MAML2: variants seen among roughly 807,000 people sequenced by gnomAD.
The protein encoded by MAML2 is mastermind-like protein 2.
A neutral mutation model predicts 96.1 loss-of-function variants in MAML2; 22 were observed. The ratio of observed to expected loss-of-function variants is 0.23; its 90% CI spans 0.16 to 0.33. MAML2 has a LOEUF of 0.33. MAML2 is among the 10% of genes least tolerant of loss of function. The probability of loss-of-function intolerance (pLI) is 1.00; values close to 1 mark genes in which losing one functional copy is unlikely to be tolerated. For synonymous variants in MAML2, 561 were observed against 521.3 expected, an observed-to-expected ratio of 1.08 and a Z score of -1.04; for missense variants, 1,367 against 1,392.4, an observed-to-expected ratio of 0.98 and a Z score of 0.29.
Position 96,342,264 on chromosome 11 carries a change from A to C in MAML2, c.-369T>G, listed in dbSNP as rs1864008906. 1 of 435,348 alleles carries C rather than the reference A, an allele frequency of 2.3e-6. No homozygotes were observed. The allele number at this position is 435,348 out of a possible 1,614,324, so 27.0% of individuals were successfully genotyped here. A position where few individuals can be genotyped will look rare whatever the true frequency, so the allele number is the denominator to read the frequency against. On this transcript the variant is annotated 5_prime_UTR_variant, in exon 1 of 5. Transcript: ENST00000524717. ...AAACACACGATCTGGGGGTTAGATC[A>C]AGAATTCAGGGATTGTCCAGCAAGA...
rs376355064 is a variant in MAML2, at chr11:96,341,466, T to C, written c.430A>G (p.Asn144Asp). 7 of 1,551,334 alleles carry C rather than the reference T, an allele frequency of 4.5e-6. No individual in the cohort carries two copies. In the South Asian group the frequency reaches 4.8e-5, roughly 11 times the overall value. The change falls in exon 1 of 5, where the codon AAT becomes GAT. Residue 144 changes from asparagine to aspartate, a missense_variant. Coordinates refer to ENST00000524717, the MANE Select transcript of MAML2 (RefSeq NM_032427.4). ...CCGTTTATCCCACCACTGCCACCAT[T>C]ATTGCTACTGTTCAGCAGGTGCTGC... ...HQQHLLNSSN[N>D]GGSGGINGEQ... is the part of the protein sequence containing the mutation.
chr11:96,309,575 G>A (rs1036850369), intron 1 of MAML2, among the ~76,000 whole-genome samples: 1 of 152,130 alleles, frequency 6.6e-6, no homozygotes, highest in Non-Finnish European at 1.5e-5. Context: ...TTCATAGATG[G>A]TGGAATTAAA....
Position 96,320,772 on chromosome 11 carries a change from A to G in MAML2, c.513+20611T>C, listed in dbSNP as rs576108633. On this transcript the variant is annotated intron_variant, in intron 1 of 4. Transcript: ENST00000524717. ...TAGCAAATGAATGCCTGCTACAACC[A>G]GAAGATTCTTGTCTTTGAAAGTACT... 2.4e-4 allele frequency among the ~76,000 whole-genome samples: 36 copies of G among 152,336 alleles called. 1 individual carries two copies. The South Asian group carries it at 7.2e-3, about 31-fold the overall frequency.
At chr11:95,991,291 G>T (rs1857905943) in intron 3 of MAML2, among the ~76,000 whole-genome samples, 1 of 152,116 alleles carries the variant, frequency 6.6e-6, no homozygotes, top group Non-Finnish European at 1.5e-5. Flanking sequence ...GCTGGGCAGG[G>T]CTGGTTAGCA....
At chr11:96,260,567 C>A (rs997628290) in intron 1 of MAML2, among the ~76,000 whole-genome samples, 1 of 152,190 alleles carries the variant, frequency 6.6e-6, no homozygotes, top group African/African-American at 2.4e-5. Flanking sequence ...GCTGCCCTCA[C>A]TCCTCCCTCC....
intron 2 of MAML2, among the ~76,000 whole-genome samples, chr11:96,012,341 C>T (rs747022240): frequency 1.3e-5 from 2 of 152,154 alleles, no homozygotes; most frequent in African/African-American, 2.4e-5. Context: ...AAGTCTTTAA[C>T]GAGAACAAAG....
intron 1 of MAML2, among the ~76,000 whole-genome samples, chr11:96,142,768 C>G (rs1301687816): frequency 6.6e-6 from 1 of 152,202 alleles, no homozygotes; most frequent in Admixed American, 6.5e-5. Context: ...CTTGACGTAT[C>G]TCTCCATCAG....
chr11:96,239,056 C>T (rs984239924), intron 1 of MAML2, among the ~76,000 whole-genome samples: 2 of 152,210 alleles, frequency 1.3e-5, no homozygotes, highest in Non-Finnish European at 2.9e-5. Flanking sequence ...ACAACTACAG[C>T]TGCAACCAAA....
Position 96,092,858 on chromosome 11 carries a change from G to A in MAML2, c.1173C>T (p.Phe391=), listed in dbSNP as rs1208434618. 1 of 1,607,294 alleles carries A rather than the reference G, an allele frequency of 6.2e-7. No homozygotes were observed. Among genetic ancestry groups the A allele is most frequent in the Non-Finnish European group, 8.5e-7 (1 of 1,176,214 alleles). The stretch of plus-strand genomic sequence containing the variant: ...TGGAGAGGGCAGAGTTGGCCATGGA[G>A]AATGCGGGGCCAGCTGATGGGGGCC... ...QLRPPSAGPA[F]SMANSALSTS... is the part of the protein sequence containing the mutation. The change falls in exon 2 of 5, where the codon TTC becomes TTT. Residue 391 remains phenylalanine, a synonymous_variant. Coordinates refer to ENST00000524717, the MANE Select transcript of MAML2 (RefSeq NM_032427.4). The surrounding 1 kb of genome is among the most constrained non-coding windows in gnomAD (Gnocchi z 4.1).
In MAML2 at chr11:96,104,237, C is replaced by T. The variant is rs138463259; in HGVS notation, c.514-10720G>A. Among the ~76,000 whole-genome samples the T allele has an allele frequency of 3.4e-3, 513 of 152,238 alleles. 4 individuals are homozygous for T. The highest frequency in any genetic ancestry group is 0.012 in the African/African-American group (497 of 41,536). On this transcript the variant is annotated intron_variant, in intron 1 of 4. Coordinates refer to ENST00000524717, the MANE Select transcript of MAML2 (RefSeq NM_032427.4). The stretch of plus-strand genomic sequence containing the variant: ...TGAGTCACATTTGTCTTGTTGACCA[C>T]TGTATCTCATTCTTAATATAATCCA...
At chr11:96,179,798 C>T (rs1861453964) in intron 1 of MAML2, among the ~76,000 whole-genome samples, 1 of 152,194 alleles carries the variant, frequency 6.6e-6, no homozygotes, top group Non-Finnish European at 1.5e-5. Flanking sequence ...TCTGTGTTTC[C>T]CTTGATGCTC....
At chr11:96,210,668 G>A (rs995377931) in intron 1 of MAML2, among the ~76,000 whole-genome samples, 1 of 151,958 alleles carries the variant, frequency 6.6e-6, no homozygotes, top group African/African-American at 2.4e-5. Flanking sequence ...GATATTGGGG[G>A]GATTAAATTA....
At chr11:96,078,656 T>C (rs1859484565) in intron 2 of MAML2, among the ~76,000 whole-genome samples, 1 of 152,226 alleles carries the variant, frequency 6.6e-6, no homozygotes, top group South Asian at 2.1e-4. Context: ...CTTCTTGTTC[T>C]AGTCTATGCA....
At chr11:95,998,852 T>C (rs1451699729) in intron 2 of MAML2, among the ~76,000 whole-genome samples, 2 of 152,166 alleles carry the variant, frequency 1.3e-5, no homozygotes, top group Non-Finnish European at 2.9e-5. Context: ...AAAAATGCTT[T>C]CCCCAATTTT....
chr11:96,327,239 G>C (rs1863797706), intron 1 of MAML2, among the ~76,000 whole-genome samples: 1 of 152,150 alleles, frequency 6.6e-6, no homozygotes, highest in African/African-American at 2.4e-5. Context: ...AAATAAAGAA[G>C]CAAAGGAGGG....
At chr11:96,042,824 G>A (rs756246192) in intron 2 of MAML2, among the ~76,000 whole-genome samples, 3 of 145,580 alleles carry the variant, frequency 2.1e-5, no homozygotes, top group Non-Finnish European at 3.0e-5. Context: ...TGCTCACTGC[G>A]TCCTCCAACT....
intron 1 of MAML2, among the ~76,000 whole-genome samples, chr11:96,220,771 A>T (rs1176279504): frequency 6.6e-6 from 1 of 152,200 alleles, no homozygotes; most frequent in African/African-American, 2.4e-5. Context: ...AGTTTCAAAT[A>T]CATCCTCTGA....
At chr11:96,096,460 G>A (rs747178019) in intron 1 of MAML2, among the ~76,000 whole-genome samples, 9 of 152,190 alleles carry the variant, frequency 5.9e-5, no homozygotes, top group African/African-American at 2.2e-4. Flanking sequence ...TCCCCTCCCC[G>A]CTTTTGCAGA....
chr11:96,035,434 A>G (rs1187327033), intron 2 of MAML2, among the ~76,000 whole-genome samples: 1 of 152,148 alleles, frequency 6.6e-6, no homozygotes, highest in Non-Finnish European at 1.5e-5. Context: ...TTGTTTTCTG[A>G]GGATGTGGAT....
Sources: allele counts gnomAD v4.1 joint callset (sites outside exome capture counted in the v4.1 genomes callset), GRCh38; gene constraint gnomAD v4.1.1; non-coding constraint Gnocchi (gnomAD v3.1); transcripts MANE v1.5; gene names NCBI Gene and HGNC (gene_info 2026-07-23, HGNC 2026-07-21).